Variants in METAP2 observed in about 807,000 individuals in gnomAD.
METAP2 encodes methionine aminopeptidase 2.
METAP2 carries 25 observed loss-of-function variants against 59.4 expected under a neutral mutation model. The observed-to-expected ratio is 0.42, with a 90% CI of 0.31 to 0.59. The LOEUF is 0.59. METAP2 is among the 20% of genes least tolerant of loss of function. The probability of loss-of-function intolerance (pLI) is 0.16; values close to 1 mark genes in which losing one functional copy is unlikely to be tolerated. For missense variants in METAP2, 366 were observed against 581.2 expected, an observed-to-expected ratio of 0.63 and a Z score of 3.81; for synonymous variants, 214 against 194.1, an observed-to-expected ratio of 1.10 and a Z score of -0.85.
At chr12:95,492,152 G>A (rs1291026561) in intron 4 of METAP2, among the ~76,000 whole-genome samples, 1 of 151,662 alleles carries the variant, frequency 6.6e-6, no homozygotes, top group African/African-American at 2.4e-5. Flanking sequence ...GTGTGTGTGT[G>A]TGTATGTATA....
At chr12:95,503,908 C>T (rs1158580629) in intron 7 of METAP2, among the ~76,000 whole-genome samples, 157 bp from the exon 8 acceptor site, 1 of 152,218 alleles carries the variant, frequency 6.6e-6, no homozygotes, top group African/African-American at 2.4e-5. Context: ...TAATACTTCA[C>T]TATCCTCCCA....
intron 3 of METAP2, 88 bp from the exon 4 acceptor site, chr12:95,485,791 T>G (rs1053354683): frequency 2.4e-6 from 2 of 850,112 alleles, no homozygotes; most frequent in Non-Finnish European, 3.5e-6. Flanking sequence ...TCAGAACATA[T>G]AACAACCATT....
At chr12:95,482,391 G>A (rs190922508) in intron 2 of METAP2, among the ~76,000 whole-genome samples, 6 of 152,236 alleles carry the variant, frequency 3.9e-5, no homozygotes, top group African/African-American at 7.2e-5. Context: ...AGGATTACAG[G>A]TGTGAACCAC....
At chr12:95,479,902 C>T (rs892093191) in intron 2 of METAP2, among the ~76,000 whole-genome samples, 15 of 152,234 alleles carry the variant, frequency 9.9e-5, no homozygotes, top group African/African-American at 3.6e-4. Flanking sequence ...AGCCACCATA[C>T]CTGGCCCCAA....
chr12:95,496,705 C>T (rs996116933), intron 7 of METAP2, among the ~76,000 whole-genome samples: 1 of 151,718 alleles, frequency 6.6e-6, no homozygotes, highest in Non-Finnish European at 1.5e-5. Flanking sequence ...CCTCTCTGTC[C>T]ACCAAACTCT....
intron 8 of METAP2, 138 bp from the exon 9 acceptor site, chr12:95,511,757 C>T (rs1262033386): frequency 1.2e-5 from 7 of 579,400 alleles, no homozygotes; most frequent in African/African-American, 1.9e-5. Flanking sequence ...TTATATTAAA[C>T]TACCTTAATG....
At chr12:95,495,292 T>C in intron 6 of METAP2, 154 bp downstream of exon 6, 1 of 583,186 alleles carries the variant, frequency 1.7e-6, no homozygotes, top group African/African-American at 1.9e-5. Flanking sequence ...TTTAAAAAAA[T>C]TTTAGTGCAC....
chr12:95,475,880 TAATG>T (rs1594407366), intron 1 of METAP2, among the ~76,000 whole-genome samples, 187 bp from the exon 2 acceptor site: 1 of 152,252 alleles, frequency 6.6e-6, no homozygotes, highest in East Asian at 1.9e-4. Context: ...TTGAGTAAAT[TAATG>T]AATGGACAAT....
In METAP2 at chr12:95,488,511, C is replaced by CAAAAAAAAA. The variant is rs537119415; in HGVS notation, c.428+2550_428+2558dup. ...GTGACAGAGCGAGACTTTGTCTCAC[C>CAAAAAAAAA]AAAAAAAAAAAAAAAAAAAAAAAAA... On this transcript the variant is annotated intron_variant, in intron 4 of 10. Transcript: ENST00000323666. Among the ~76,000 whole-genome samples the CAAAAAAAAA allele has an allele frequency of 5.0e-4, 38 of 76,556 alleles. 1 individual carries two copies. Among genetic ancestry groups the CAAAAAAAAA allele is most frequent in the African/African-American group, 1.9e-3 (38 of 19,892 alleles). The allele number at this position is 76,556 out of a possible 152,430, so 50.2% of individuals were successfully genotyped here.
intron 4 of METAP2, among the ~76,000 whole-genome samples, chr12:95,492,349 A>G (rs1309768556): frequency 1.3e-5 from 2 of 152,134 alleles, no homozygotes; most frequent in Non-Finnish European, 2.9e-5. Context: ...AAGATAAAAT[A>G]TAGGAAAATA....
chr12:95,478,999 G>C (rs2076140275), intron 2 of METAP2, among the ~76,000 whole-genome samples: 1 of 152,126 alleles, frequency 6.6e-6, no homozygotes, highest in African/African-American at 2.4e-5. Context: ...TTGAGTCCAG[G>C]GGGCTTCAGT....
At chr12:95,513,106 C>CACAA (rs2140169486) in intron 10 of METAP2, among the ~76,000 whole-genome samples, 190 bp downstream of exon 10, 1 of 151,474 alleles carries the variant, frequency 6.6e-6, no homozygotes, top group East Asian at 1.9e-4. Context: ...CACACACACA[C>CACAA]ACACACACAC....
rs1363975454 is a variant in METAP2 at position 95,515,801 on chromosome 12, TA to T, written c.*1899del. On this transcript the variant is annotated 3_prime_UTR_variant, in exon 11 of 11. Transcript: ENST00000323666. Reference sequence around the variant, plus strand: ...GGCAACAAGTTATTAGTTTGATGTTTAACAATAGTGCCTTTAGTAAATTATT... The same window carrying T: ...GGCAACAAGTTATTAGTTTGATGTTTACAATAGTGCCTTTAGTAAATTATT... 1 of 152,256 alleles carries T rather than the reference TA, an allele frequency of 6.6e-6. No individual in the cohort carries two copies. Among genetic ancestry groups the T allele is most frequent in the Non-Finnish European group, 1.5e-5 (1 of 68,048 alleles). The allele number at this position is 152,256 out of a possible 1,614,324, so 9.4% of individuals were successfully genotyped here. A position where few individuals can be genotyped will look rare whatever the true frequency, so the allele number is the denominator to read the frequency against.
intron 8 of METAP2, among the ~76,000 whole-genome samples, chr12:95,511,492 A>C (rs2076402726): frequency 6.8e-6 from 1 of 147,338 alleles, no homozygotes; most frequent in Admixed American, 7.3e-5. Context: ...CCCGGGTTCA[A>C]GTGATTCTCC....
chr12:95,496,183 T>C lies in METAP2; in HGVS notation c.867+85T>C, dbSNP rs978875592. 6 of 788,494 alleles carry C rather than the reference T, an allele frequency of 7.6e-6. No homozygotes were observed. In the African/African-American group the frequency reaches 1.0e-4, roughly 14 times the overall value. 48.8% of individuals were successfully genotyped at this position (788,494 alleles called of 1,614,324 possible). On this transcript the variant is annotated intron_variant, in intron 7 of 10. Coordinates refer to ENST00000323666, the MANE Select transcript of METAP2 (RefSeq NM_006838.4). Reference sequence around the variant, plus strand: ...AACACTTAACAGCATTTAAGCACTTTTAAGGCCTGTTTAAGGGCTTTGGGT... The same window carrying C: ...AACACTTAACAGCATTTAAGCACTTCTAAGGCCTGTTTAAGGGCTTTGGGT...
Position 95,474,201 on chromosome 12 carries a change from G to T in METAP2, c.22G>T (p.Ala8Ser). The change falls in exon 1 of 11, where the codon GCG becomes TCG. Residue 8 changes from alanine to serine, a missense_variant. Ala to Ser is a moderately conservative substitution (Grantham distance 99). Transcript: ENST00000323666. ...CAACATGGCGGGTGTGGAGGAGGTA[G>T]CGGCCTCCGGGAGCCACCTGAATGG... MAGVEEV[A>S]ASGSHLNGDL... 1 of 1,614,164 alleles carries T rather than the reference G, an allele frequency of 6.2e-7. No homozygotes were observed. Among genetic ancestry groups the T allele is most frequent in the Non-Finnish European group, 8.5e-7 (1 of 1,180,008 alleles).
chr12:95,513,601 TC>T (rs2076421527), intron 10 of METAP2, 50 bp from the exon 11 acceptor site: 1 of 1,571,300 alleles, frequency 6.4e-7, no homozygotes, highest in African/African-American at 1.4e-5. Flanking sequence ...ATGAGGGAAA[TC>T]AGTTCGTAAC....
chr12:95,488,700 C>T (rs1386260753), intron 4 of METAP2, among the ~76,000 whole-genome samples: 2 of 151,868 alleles, frequency 1.3e-5, no homozygotes, highest in Non-Finnish European at 1.5e-5. Context: ...ATAATCCCTC[C>T]TACTGAATTG....
chr12:95,503,973 C>G (rs2076336370), intron 7 of METAP2, 92 bp from the exon 8 acceptor site: 1 of 885,950 alleles, frequency 1.1e-6, no homozygotes, highest in Admixed American at 2.3e-5. Context: ...AGCAGTTTTT[C>G]TGATTGTCCC....
Sources: allele counts gnomAD v4.1 joint callset (sites outside exome capture counted in the v4.1 genomes callset), GRCh38; gene constraint gnomAD v4.1.1; transcripts MANE v1.5; gene names NCBI Gene and HGNC (gene_info 2026-07-23, HGNC 2026-07-21).